CDH13: variants seen among roughly 807,000 people sequenced by gnomAD.
The protein encoded by CDH13 is cadherin 13, also known as cadherin-13.
Under a neutral mutation model 63.8 loss-of-function variants are expected in CDH13, and 24 were observed. That is an observed-to-expected ratio of 0.38 (90% CI 0.27 to 0.53). The LOEUF (loss-of-function observed/expected upper bound fraction) is 0.53. Ranked by LOEUF, CDH13 falls within the 20% of genes least tolerant of loss-of-function variation. The pLI is 0.85. For missense variants in CDH13, 1,049 were observed against 903.1 expected, an observed-to-expected ratio of 1.16 and a Z score of -2.07; for synonymous variants, 503 against 355.3, an observed-to-expected ratio of 1.42 and a Z score of -4.67.
intron 4 of CDH13, among the ~76,000 whole-genome samples, chr16:83,140,668 T>G (rs1263340898): frequency 6.6e-6 from 1 of 152,178 alleles, no homozygotes; most frequent in African/African-American, 2.4e-5. Flanking sequence ...TTGGCCAGGC[T>G]TGTCTCGAAC....
chr16:83,752,440 G>T (rs544792732), intron 11 of CDH13, among the ~76,000 whole-genome samples: 4 of 152,166 alleles, frequency 2.6e-5, no homozygotes, highest in Admixed American at 2.6e-4. Flanking sequence ...TCTAAAAGTC[G>T]TATCATTAGG....
chr16:82,845,539 G>T (rs944476745), intron 1 of CDH13, among the ~76,000 whole-genome samples: 3 of 152,168 alleles, frequency 2.0e-5, no homozygotes, highest in Admixed American at 6.6e-5. Flanking sequence ...TCAGATGACA[G>T]ACCTATTCAT....
intron 1 of CDH13, among the ~76,000 whole-genome samples, chr16:82,809,309 C>G (rs941919553): frequency 7.0e-5 from 1 of 14,198 alleles, no homozygotes; most frequent in Non-Finnish European, 1.8e-4. Flanking sequence ...AAGTTATTTA[C>G]GTCCAAAAAA....
chr16:82,992,648 AT>A (rs1332595707), intron 2 of CDH13, among the ~76,000 whole-genome samples: 3 of 152,200 alleles, frequency 2.0e-5, no homozygotes, highest in East Asian at 1.9e-4. Flanking sequence ...CTATAAAGAC[AT>A]TTTTTAAAAG....
At chr16:83,009,947 A>G (rs1307868118) in intron 2 of CDH13, among the ~76,000 whole-genome samples, 1 of 152,050 alleles carries the variant, frequency 6.6e-6, no homozygotes, top group Non-Finnish European at 1.5e-5. Context: ...CAGCCTGGCC[A>G]ACATGGTGAA....
intron 1 of CDH13, among the ~76,000 whole-genome samples, chr16:82,830,213 T>G (rs1195230770): frequency 6.6e-6 from 1 of 152,252 alleles, no homozygotes; most frequent in African/African-American, 2.4e-5. Flanking sequence ...GCCCCTTTTC[T>G]GATTCACACT....
intron 2 of CDH13, among the ~76,000 whole-genome samples, chr16:83,022,540 A>C (rs750991504): frequency 6.6e-6 from 1 of 152,196 alleles, no homozygotes; most frequent in Non-Finnish European, 1.5e-5. Context: ...CAGATGCTAC[A>C]ACTCGAGACT....
intron 10 of CDH13, among the ~76,000 whole-genome samples, chr16:83,688,187 C>T (rs976227551): frequency 2.0e-5 from 3 of 152,134 alleles, no homozygotes; most frequent in African/African-American, 7.2e-5. Context: ...CAAAGGAAAT[C>T]ACAAAAAATG....
chr16:82,972,296 G>T (rs1908872822), intron 2 of CDH13, among the ~76,000 whole-genome samples: 1 of 152,184 alleles, frequency 6.6e-6, no homozygotes, highest in African/African-American at 2.4e-5. Context: ...TGGAGAGTCT[G>T]GGTGTGAGAG....
rs58969042 is a variant in CDH13 at position 82,728,174 on chromosome 16, T to C, written c.45+101037T>C. 3.3e-3 allele frequency among the ~76,000 whole-genome samples: 504 copies of C among 152,292 alleles called. 2 individuals carry two copies. Among genetic ancestry groups the C allele is most frequent in the African/African-American group, 0.012 (489 of 41,576 alleles). On this transcript the variant is annotated intron_variant, in intron 1 of 13. Transcript: ENST00000567109. ...CATACAAAGCACTCCAAAAATGTTC[T>C]CTGGCATTAAAAACATTTGATAATA...
At chr16:83,321,215 C>T (rs967462557) in intron 5 of CDH13, among the ~76,000 whole-genome samples, 3 of 152,174 alleles carry the variant, frequency 2.0e-5, no homozygotes, top group South Asian at 4.1e-4. Flanking sequence ...CTATTATTAA[C>T]GTGCTAATTC....
chr16:83,611,214 A>T (rs966287277), intron 8 of CDH13, among the ~76,000 whole-genome samples: 4 of 149,212 alleles, frequency 2.7e-5, no homozygotes, highest in Admixed American at 6.7e-5. Flanking sequence ...ACATGTTGCA[A>T]TTTTTTTTTT....
intron 4 of CDH13, among the ~76,000 whole-genome samples, chr16:83,207,053 A>G (rs2039203411): frequency 6.6e-6 from 1 of 152,254 alleles, no homozygotes; most frequent in Non-Finnish European, 1.5e-5. Flanking sequence ...AGTTAATACT[A>G]GAAAAGATAG....
At chr16:83,158,931 T>C (rs1201030889) in intron 4 of CDH13, among the ~76,000 whole-genome samples, 1 of 152,246 alleles carries the variant, frequency 6.6e-6, no homozygotes, top group Non-Finnish European at 1.5e-5. Flanking sequence ...AATAACACTG[T>C]TCTCAGGACC....
intron 2 of CDH13, among the ~76,000 whole-genome samples, chr16:82,977,922 T>C (rs946257917): frequency 1.3e-5 from 2 of 152,314 alleles, no homozygotes; most frequent in African/African-American, 4.8e-5. Context: ...TTGTTGAATG[T>C]CTTTGACCAA....
chr16:83,237,861 A>G (rs1001127836), intron 5 of CDH13, among the ~76,000 whole-genome samples: 29 of 152,196 alleles, frequency 1.9e-4, no homozygotes, highest in African/African-American at 6.5e-4. Context: ...GATAAACATT[A>G]TTTGTGTCTT....
intron 2 of CDH13, among the ~76,000 whole-genome samples, chr16:82,868,716 G>A (rs1002219014): frequency 6.6e-6 from 1 of 152,214 alleles, no homozygotes. Context: ...GATACGTCCT[G>A]TTTGGCTGCT....
Position 82,673,010 on chromosome 16 carries a change from T to TTTTTTC in CDH13, c.45+45878_45+45879insCTTTTT, listed in dbSNP as rs1567612693. Among the ~76,000 whole-genome samples, 18 of 134,480 alleles carry TTTTTTC rather than the reference T, an allele frequency of 1.3e-4. 1 individual carries two copies. The highest frequency in any genetic ancestry group is 3.6e-3 in the Middle Eastern group (1 of 274). The allele number at this position is 134,480 out of a possible 152,430, so 88.2% of individuals were successfully genotyped here. ...TTTTATAAAGTTTTCTTTTTTTTTT[T>TTTTTTC]TTTTTTTTTGTAGAGATGATGGGGT... On this transcript the variant is annotated intron_variant, in intron 1 of 13. Transcript: ENST00000567109.
intron 1 of CDH13, among the ~76,000 whole-genome samples, chr16:82,643,723 G>C (rs1909710138): frequency 6.6e-6 from 1 of 152,036 alleles, no homozygotes. Context: ...CTCAGAGACT[G>C]AAGAAAAGGA....
Sources: allele counts gnomAD v4.1 joint callset (sites outside exome capture counted in the v4.1 genomes callset), GRCh38; gene constraint gnomAD v4.1.1; transcripts MANE v1.5; gene names NCBI Gene and HGNC (gene_info 2026-07-23, HGNC 2026-07-21).